MECOM: variants seen among roughly 807,000 people sequenced by gnomAD.
The protein encoded by MECOM is MDS1 and EVI1 complex locus.
In MECOM, 13 loss-of-function variants were observed where a neutral mutation model predicts 116.3. The observed-to-expected ratio is 0.11, with a 90% CI of 0.07 to 0.18. The LOEUF (loss-of-function observed/expected upper bound fraction) is 0.18. Among genes scored for constraint, MECOM ranks in the 10% least tolerant of loss-of-function variants. MECOM has a pLI of 1.00. For missense variants in MECOM, 1,299 were observed against 1,509.0 expected, an observed-to-expected ratio of 0.86 and a Z score of 2.31; for synonymous variants, 528 against 535.2, an observed-to-expected ratio of 0.99 and a Z score of 0.19.
At chr3:169,540,679 C>G (rs891218389) in intron 1 of MECOM, among the ~76,000 whole-genome samples, 2 of 152,160 alleles carry the variant, frequency 1.3e-5, no homozygotes, top group Non-Finnish European at 2.9e-5. Context: ...TTATTAAGCC[C>G]ATCCCCAGGT....
chr3:169,567,214 C>A lies in MECOM; in HGVS notation c.37+96122G>T, dbSNP rs562709538. Among the ~76,000 whole-genome samples the A allele has an allele frequency of 5.1e-4, 77 of 152,376 alleles. No individual in the cohort carries two copies. In the Middle Eastern group the frequency reaches 0.01, roughly 20 times the overall value. On this transcript the variant is annotated intron_variant, in intron 1 of 16. Coordinates refer to ENST00000651503, the MANE Select transcript of MECOM (RefSeq NM_004991.4). ...ACTAACAAAAAGTGGCATCAAAGCTCTGCCAGTTTCCAAATACTTTTAAAA... is the reference window on the plus strand; with the variant it reads ...ACTAACAAAAAGTGGCATCAAAGCTATGCCAGTTTCCAAATACTTTTAAAA...
intron 1 of MECOM, among the ~76,000 whole-genome samples, chr3:169,607,619 C>T (rs1768753633): frequency 6.6e-6 from 1 of 152,220 alleles, no homozygotes; most frequent in African/African-American, 2.4e-5. Flanking sequence ...CCATAATAAG[C>T]TGGCATGGAA....
At chr3:169,256,544 T>C (rs556115103) in intron 2 of MECOM, among the ~76,000 whole-genome samples, 2 of 152,352 alleles carry the variant, frequency 1.3e-5, no homozygotes, top group South Asian at 4.1e-4. Context: ...TAAATGGCCA[T>C]GACTTTTACT....
intron 7 of MECOM, among the ~76,000 whole-genome samples, chr3:169,117,210 G>C (rs181259337): frequency 5.3e-5 from 8 of 152,168 alleles, no homozygotes; most frequent in Admixed American, 5.2e-4. Flanking sequence ...TCCTCAACCA[G>C]AAACTTCACC....
At chr3:169,262,188 G>C (rs923767628) in intron 2 of MECOM, among the ~76,000 whole-genome samples, 7 of 152,184 alleles carry the variant, frequency 4.6e-5, no homozygotes, top group African/African-American at 1.7e-4. Context: ...TTTGGACAAA[G>C]ACTGTTGCTA....
At chr3:169,287,117 C>G (rs768653549) in intron 2 of MECOM, among the ~76,000 whole-genome samples, 1 of 152,130 alleles carries the variant, frequency 6.6e-6, no homozygotes, top group Non-Finnish European at 1.5e-5. Context: ...CTATTTCATT[C>G]GACCCTTTCT....
chr3:169,273,638 T>C (rs1484444477), intron 2 of MECOM, among the ~76,000 whole-genome samples: 1 of 152,110 alleles, frequency 6.6e-6, no homozygotes, highest in African/African-American at 2.4e-5. Flanking sequence ...TCTTAGGCGG[T>C]GTGTGTGAAG....
chr3:169,529,023 A>AT (rs1236950635), intron 1 of MECOM, among the ~76,000 whole-genome samples: 3 of 152,272 alleles, frequency 2.0e-5, no homozygotes, highest in Non-Finnish European at 4.4e-5. Context: ...AGGAGAATTT[A>AT]TAATGTGGCA....
At chr3:169,276,738 A>T (rs1376003627) in intron 2 of MECOM, among the ~76,000 whole-genome samples, 1 of 152,164 alleles carries the variant, frequency 6.6e-6, no homozygotes, top group East Asian at 1.9e-4. Flanking sequence ...GCATAAGAAG[A>T]TCTGGTGCAG....
At chr3:169,548,192 A>C (rs11714437) in intron 1 of MECOM, among the ~76,000 whole-genome samples, 33,088 of 151,904 alleles carry the variant, frequency 0.22, 4,627 homozygotes, top group East Asian at 0.7. Context: ...CACACACACA[A>C]AAAAAAAGAA....
At chr3:169,378,514 A>AG (rs1553830116) in intron 2 of MECOM, among the ~76,000 whole-genome samples, 9 of 26,880 alleles carry the variant, frequency 3.3e-4, no homozygotes, top group South Asian at 2.4e-3. Flanking sequence ...AGAAAGAAAG[A>AG]AAAGAAAGAA....
chr3:169,152,544 T>C (rs889225686), intron 2 of MECOM, among the ~76,000 whole-genome samples: 4 of 151,988 alleles, frequency 2.6e-5, no homozygotes, highest in Non-Finnish European at 4.4e-5. Flanking sequence ...CTCCGAGGAG[T>C]AGTCCAGCAC....
chr3:169,245,908 T>C (rs1755524280), intron 2 of MECOM, among the ~76,000 whole-genome samples: 2 of 152,238 alleles, frequency 1.3e-5, no homozygotes, highest in Admixed American at 6.5e-5. Context: ...GAAAAACTTA[T>C]AATCTATGTG....
chr3:169,187,268 CAG>C (rs1281340537), intron 2 of MECOM, among the ~76,000 whole-genome samples: 1 of 152,114 alleles, frequency 6.6e-6, no homozygotes, highest in East Asian at 1.9e-4. Context: ...ACCTTACTGA[CAG>C]AGTTTCAATT....
intron 2 of MECOM, among the ~76,000 whole-genome samples, chr3:169,151,368 A>T (rs191389301): frequency 5.9e-5 from 9 of 152,350 alleles, no homozygotes; most frequent in Middle Eastern, 3.4e-3. Flanking sequence ...ATTCACCCTG[A>T]CATTATGTTT....
chr3:169,182,421 C>G (rs924250614), intron 2 of MECOM, among the ~76,000 whole-genome samples: 1 of 152,164 alleles, frequency 6.6e-6, no homozygotes, highest in Non-Finnish European at 1.5e-5. Context: ...TTTTGATGCA[C>G]GAGCTCCGCT....
In MECOM at chr3:169,095,063, A is replaced by G; in HGVS notation, c.3019+13T>C. ...GAAGTCATCTTTGACTTATAACACA[A>G]TTTATTACGTACCGGACATGTTCCC... On this transcript the variant is annotated intron_variant, in intron 13 of 16. Transcript: ENST00000651503. 1 of 1,553,932 alleles carries G rather than the reference A, an allele frequency of 6.4e-7. No homozygotes were observed. The highest frequency in any genetic ancestry group is 8.7e-7 in the Non-Finnish European group (1 of 1,150,722).
chr3:169,179,409 A>G (rs145837261), intron 2 of MECOM, among the ~76,000 whole-genome samples: 1 of 152,256 alleles, frequency 6.6e-6, no homozygotes, highest in East Asian at 1.9e-4. Flanking sequence ...ATTTGCTGTG[A>G]TGTGTGGAAT....
At chr3:169,326,108 G>A (rs1268727274) in intron 2 of MECOM, among the ~76,000 whole-genome samples, 1 of 152,010 alleles carries the variant, frequency 6.6e-6, no homozygotes, top group African/African-American at 2.4e-5. Flanking sequence ...ATTCTGTTTA[G>A]AAAAAAAGCT....
Sources: allele counts gnomAD v4.1 joint callset (sites outside exome capture counted in the v4.1 genomes callset), GRCh38; gene constraint gnomAD v4.1.1; transcripts MANE v1.5; gene names NCBI Gene and HGNC (gene_info 2026-07-23, HGNC 2026-07-21).